Variants in DNAAF5 observed in about 807,000 individuals in gnomAD.
DNAAF5 encodes the protein HEAT repeat containing 2.
In DNAAF5, 64 loss-of-function variants were observed where a neutral mutation model predicts 75.8. The ratio of observed to expected loss-of-function variants is 0.84; its 90% confidence interval spans 0.69 to 1.04. DNAAF5 has a LOEUF of 1.04. Ranked by LOEUF, DNAAF5 falls within the 50% of genes least tolerant of loss-of-function variation. The probability of loss-of-function intolerance (pLI) is 0.00; values close to 1 mark genes in which losing one functional copy is unlikely to be tolerated. For synonymous variants in DNAAF5, 657 were observed against 557.2 expected, an observed-to-expected ratio of 1.18 and a Z score of -2.52; for missense variants, 1,269 against 1,178.5, an observed-to-expected ratio of 1.08 and a Z score of -1.12.
At chr7:765,729 C>T (rs1782799426) in intron 8 of DNAAF5, among the ~76,000 whole-genome samples, 2 of 152,154 alleles carry the variant, frequency 1.3e-5, no homozygotes, top group Non-Finnish European at 2.9e-5. Context: ...TTGAGACGGT[C>T]TCACGCTGTC....
rs1185449199 is a variant in DNAAF5 at position 760,867 on chromosome 7, A to G, written c.1471-886A>G. Among the ~76,000 whole-genome samples the G allele has an allele frequency of 2.0e-5, 3 of 152,196 alleles. No homozygotes were observed. The East Asian group carries it at 5.8e-4, about 29-fold the overall frequency. On this transcript the variant is annotated intron_variant, in intron 6 of 12. Transcript: ENST00000297440. ...CGTCAATCAGTAAACATGTTAAGCCATAGAATTTTATTTGTCTTAAAACTT... is the reference window on the plus strand; with the variant it reads ...CGTCAATCAGTAAACATGTTAAGCCGTAGAATTTTATTTGTCTTAAAACTT...
intron 8 of DNAAF5, among the ~76,000 whole-genome samples, chr7:767,536 AATG>A (rs1339545411): frequency 1.3e-5 from 2 of 152,234 alleles, no homozygotes; most frequent in African/African-American, 4.8e-5. Context: ...TTAAATACAT[AATG>A]ATATTTCCAT....
At chr7:767,172 G>C (rs953444732) in intron 8 of DNAAF5, among the ~76,000 whole-genome samples, 4 of 151,358 alleles carry the variant, frequency 2.6e-5, no homozygotes, top group African/African-American at 4.9e-5. Context: ...CCAGGAGACG[G>C]GGCTTGCAGT....
At chr7:760,317 A>G (rs1015803119) in intron 6 of DNAAF5, among the ~76,000 whole-genome samples, 2 of 152,208 alleles carry the variant, frequency 1.3e-5, no homozygotes, top group Non-Finnish European at 2.9e-5. Flanking sequence ...TAGCCAAATA[A>G]TTACCAAACT....
chr7:753,026 G>C lies in DNAAF5; in HGVS notation c.1025-1563G>C, dbSNP rs1428726115. Among the ~76,000 whole-genome samples, 4 of 152,124 alleles carry C rather than the reference G, an allele frequency of 2.6e-5. No homozygotes were observed. In the South Asian group the frequency reaches 8.3e-4, roughly 32 times the overall value. ...CACGGAAATGCCACTGTGCCTCTCG[G>C]ACTGCTTTCAATTCAAGACTGAGCG... On this transcript the variant is annotated intron_variant, in intron 4 of 12. Coordinates refer to ENST00000297440, the MANE Select transcript of DNAAF5 (RefSeq NM_017802.4).
chr7:763,511 G>A (rs942244151), intron 7 of DNAAF5, among the ~76,000 whole-genome samples: 2 of 152,216 alleles, frequency 1.3e-5, no homozygotes, highest in African/African-American at 2.4e-5. Flanking sequence ...CACCACGTCC[G>A]TGTAAGCCCC....
At chr7:778,089 G>A (rs916582804) in intron 11 of DNAAF5, 18 of 152,200 alleles carry the variant, frequency 1.2e-4, no homozygotes, top group Non-Finnish European at 2.6e-4. Context: ...AGGTCCGGGG[G>A]CCTTTGTCAC....
At chr7:748,846 G>A (rs895048036) in intron 4 of DNAAF5, among the ~76,000 whole-genome samples, 1 of 152,174 alleles carries the variant, frequency 6.6e-6, no homozygotes, top group African/African-American at 2.4e-5. Context: ...CGTGTGGTTG[G>A]GTTGCCGAGT....
At chr7:752,203 A>G (rs1782319907) in intron 4 of DNAAF5, among the ~76,000 whole-genome samples, 3 of 152,270 alleles carry the variant, frequency 2.0e-5, no homozygotes, top group Admixed American at 6.5e-5. Flanking sequence ...AGGATCACTC[A>G]TACACCAGAA....
chr7:781,632 G>A (rs976070455), intron 12 of DNAAF5, among the ~76,000 whole-genome samples: 1 of 137,420 alleles, frequency 7.3e-6, no homozygotes, highest in African/African-American at 2.5e-5. Flanking sequence ...CCCACCAGCA[G>A]CGTGAGGGTT....
intron 12 of DNAAF5, among the ~76,000 whole-genome samples, chr7:781,166 T>C (rs1778927616): frequency 6.6e-6 from 1 of 152,206 alleles, no homozygotes; most frequent in Non-Finnish European, 1.5e-5. Context: ...CATCCCCACC[T>C]CTTCCCCCGG....
intron 4 of DNAAF5, among the ~76,000 whole-genome samples, chr7:745,127 C>G (rs977613892): frequency 2.6e-5 from 4 of 152,206 alleles, no homozygotes; most frequent in African/African-American, 4.8e-5. Flanking sequence ...CAGCTGGGCT[C>G]TCCTCACCAA....
At chr7:753,601 G>C (rs969245982) in intron 4 of DNAAF5, among the ~76,000 whole-genome samples, 6 of 149,840 alleles carry the variant, frequency 4.0e-5, no homozygotes, top group Non-Finnish European at 5.9e-5. Flanking sequence ...TCACAGACGT[G>C]TCTCTCATCA....
intron 7 of DNAAF5, 31 bp downstream of exon 7, chr7:761,927 C>T (rs766190237): frequency 1.9e-6 from 3 of 1,549,728 alleles, no homozygotes; most frequent in South Asian, 1.2e-5. Context: ...TGCTGCTTGA[C>T]CTAGCGGAGC....
rs1459200770 is a variant in DNAAF5, at chr7:756,909, G to A, written c.1385G>A (p.Gly462Asp). 1.2e-6 allele frequency: 2 copies of A among 1,611,690 alleles called. No individual in the cohort carries two copies. Among genetic ancestry groups the A allele is most frequent in the Admixed American group, 3.3e-5 (2 of 60,032 alleles). The change falls in exon 6 of 13, where the codon GGT becomes GAT. Residue 462 changes from glycine to aspartate, a missense_variant. Gly to Asp is a moderately conservative substitution (Grantham distance 94). Transcript: ENST00000297440. ...GLLVLASAMR[G>D]CPREALQPHL... ...CTGGTGCTGGCCTCCGCCATGCGGG[G>A]TTGCCCCCGAGAAGCCCTCCAGCCG...
At position 749,195 on chromosome 7, in the gene DNAAF5, G is replaced by A. The variant is rs79162457; in HGVS notation, c.1025-5394G>A. On this transcript the variant is annotated intron_variant, in intron 4 of 12. Transcript: ENST00000297440. Reference sequence around the variant, plus strand: ...CCTGAACAGAGTGCCCTTCTCACACGGAAGCACACGTTCACGCCTGGTGTG... The same window carrying A: ...CCTGAACAGAGTGCCCTTCTCACACAGAAGCACACGTTCACGCCTGGTGTG... 3.9e-3 allele frequency among the ~76,000 whole-genome samples: 589 copies of A among 152,300 alleles called. 8 individuals carry two copies. The highest frequency in any genetic ancestry group is 0.014 in the African/African-American group (564 of 41,548).
At chr7:729,532 G>A in intron 1 of DNAAF5, 131 bp from the exon 2 acceptor site, 1 of 801,340 alleles carries the variant, frequency 1.2e-6, no homozygotes, top group Admixed American at 2.6e-5. Context: ...TGTTCATGCA[G>A]CAAGGACCTG....
intron 7 of DNAAF5, 66 bp downstream of exon 7, chr7:761,962 T>A (rs1782663054): frequency 2.6e-5 from 20 of 772,130 alleles, no homozygotes; most frequent in Non-Finnish European, 3.3e-5. Context: ...CATCTCTAAG[T>A]GAGGTGAACT....
intron 8 of DNAAF5, among the ~76,000 whole-genome samples, chr7:767,238 CAAA>C (rs936022330): frequency 1.4e-4 from 9 of 66,382 alleles, no homozygotes; most frequent in Admixed American, 4.7e-4. Context: ...GACTCGGTCT[CAAA>C]AAAAAAAAAA....
Sources: allele counts gnomAD v4.1 joint callset (sites outside exome capture counted in the v4.1 genomes callset), GRCh38; gene constraint gnomAD v4.1.1; transcripts MANE v1.5; gene names NCBI Gene and HGNC (gene_info 2026-07-23, HGNC 2026-07-21).